The following XRRA1 variants were observed in gnomAD, a reference collection of about 807,000 sequenced individuals.
XRRA1 encodes X-ray radiation resistance-associated protein 1.
A neutral mutation model predicts 80.2 loss-of-function variants in XRRA1; 69 were observed. The ratio of observed to expected loss-of-function variants is 0.86; its 90% confidence interval spans 0.71 to 1.05. The LOEUF (loss-of-function observed/expected upper bound fraction) is 1.05. Among genes scored for constraint, XRRA1 ranks in the 50% least tolerant of loss-of-function variants. XRRA1 has a pLI of 0.00. For missense variants in XRRA1, 967 were observed against 976.4 expected (o/e 0.99, Z 0.13); for synonymous variants, 348 against 389.9 (o/e 0.89, Z 1.27).
intron 4 of XRRA1, among the ~76,000 whole-genome samples, chr11:74,935,718 G>A (rs1234857551): frequency 2.0e-5 from 3 of 152,166 alleles, no homozygotes; most frequent in African/African-American, 7.2e-5. Flanking sequence ...CATTGGTGCT[G>A]TAATTCAACT....
intron 10 of XRRA1, among the ~76,000 whole-genome samples, chr11:74,890,786 T>G (rs777401799): frequency 1.5e-3 from 234 of 152,246 alleles, no homozygotes; most frequent in Non-Finnish European, 2.6e-3. Context: ...TCTATGCAAA[T>G]AAACTAGAAA....
rs1434378939 is a variant in XRRA1 at position 74,875,396 on chromosome 11, C to T, written c.1004-12375G>A. 8.5e-5 allele frequency among the ~76,000 whole-genome samples: 13 copies of T among 152,270 alleles called. No individual in the cohort carries two copies. In the East Asian group the frequency reaches 2.5e-3, roughly 29 times the overall value. ...TCTCAAGGGTATACTTTTCAGCTCT[C>T]AGGATGGCTACAGTAAGAGGACGGC... is the stretch of plus-strand genomic sequence containing the variant. On this transcript the variant is annotated intron_variant, in intron 10 of 18. Transcript: ENST00000684022.
intron 10 of XRRA1, among the ~76,000 whole-genome samples, chr11:74,896,477 T>C (rs2052346276): frequency 6.6e-6 from 1 of 152,202 alleles, no homozygotes; most frequent in African/African-American, 2.4e-5. Flanking sequence ...CTTTGTACTA[T>C]GGTTTGAGTG....
chr11:74,843,954 C>G lies in XRRA1; in HGVS notation c.2049G>C (p.Gln683His), dbSNP rs747007037. The G allele has an allele frequency of 1.5e-5, 25 of 1,613,076 alleles. No homozygotes were observed. In the East Asian group the frequency reaches 1.8e-4, roughly 12 times the overall value. Residue 683 changes from glutamine to histidine, a missense_variant, in exon 18 of 19, where the codon CAG becomes CAC. Coordinates refer to ENST00000684022, the MANE Select transcript of XRRA1 (RefSeq NM_001378157.1). ...KPYVHKEKRA[Q>H]RIPIPPPKKT... ...TCTTTGGGGGTGGAATCGGGATTCT[C>G]TGGGCCTGGCAGAAGGTCATGGAGG...
At chr11:74,919,451 A>G (rs1351644171) in intron 8 of XRRA1, 1 of 193,476 alleles carries the variant, frequency 5.2e-6, no homozygotes, top group Non-Finnish European at 1.1e-5. Context: ...CCAAGAATTA[A>G]TAAATGAATA....
At chr11:74,905,673 A>G (rs781293660) in intron 10 of XRRA1, among the ~76,000 whole-genome samples, 2 of 152,102 alleles carry the variant, frequency 1.3e-5, no homozygotes, top group African/African-American at 4.8e-5. Context: ...TCTAGTTTGC[A>G]GTTTTTCCAA....
At chr11:74,932,749 G>C (rs1424330518) in intron 5 of XRRA1, among the ~76,000 whole-genome samples, 1 of 152,124 alleles carries the variant, frequency 6.6e-6, no homozygotes, top group African/African-American at 2.4e-5. Flanking sequence ...CTAGAATGGA[G>C]GGCCTCTCAG....
At chr11:74,913,144 C>T (rs2056275585) in intron 8 of XRRA1, among the ~76,000 whole-genome samples, 1 of 152,170 alleles carries the variant, frequency 6.6e-6, no homozygotes, top group South Asian at 2.1e-4. Context: ...AGAACACCCA[C>T]ATTTATTTAC....
Position 74,841,047 on chromosome 11 carries a change from ATAAG to A in XRRA1, c.*2149_*2152del, listed in dbSNP as rs1479754625. The A allele has an allele frequency of 6.6e-6, 1 of 152,154 alleles. No homozygotes were observed. The highest frequency in any genetic ancestry group is 1.5e-5 in the Non-Finnish European group (1 of 68,024). 9.4% of individuals were successfully genotyped at this position (152,154 alleles called of 1,614,324 possible). On this transcript the variant is annotated 3_prime_UTR_variant, in exon 19 of 19. Coordinates refer to ENST00000684022, the MANE Select transcript of XRRA1 (RefSeq NM_001378157.1). ...CTCAGGTAGAGAAAGTCTCCATAGT[ATAAG>A]TAAGTAATATGAATGTGGAATCTTG...
In XRRA1 at chr11:74,907,268, GCCTC is replaced by G. The variant is rs757930667; in HGVS notation, c.658_661del (p.Glu220HisfsTer3). ...CTTGCTTGTCAGCGATGTTACAGAT[GCCTC>G]CCTGTGAGTGCAAAGATCTTGGGTA... On this transcript the variant is annotated frameshift_variant and splice_region_variant, in exon 9 of 19. Transcript: ENST00000684022. LOFTEE classifies it high-confidence loss of function. 1 of 1,613,854 alleles carries G rather than the reference GCCTC, an allele frequency of 6.2e-7. No individual in the cohort carries two copies. The highest frequency in any genetic ancestry group is 8.5e-7 in the Non-Finnish European group (1 of 1,179,810).
chr11:74,918,752 A>G (rs1353044864), intron 8 of XRRA1: 1 of 152,240 alleles, frequency 6.6e-6, no homozygotes, highest in East Asian at 1.9e-4. Context: ...GATACTGCCA[A>G]TAGAAGGGAT....
intron 10 of XRRA1, among the ~76,000 whole-genome samples, chr11:74,868,819 A>G (rs981391122): frequency 6.6e-6 from 1 of 152,206 alleles, no homozygotes; most frequent in Admixed American, 6.5e-5. Flanking sequence ...ATATATATGC[A>G]TCCAACAGAG....
Position 74,932,710 on chromosome 11 carries a change from T to C in XRRA1, c.351+1091A>G, listed in dbSNP as rs1240880625. Among the ~76,000 whole-genome samples, 4 of 152,240 alleles carry C rather than the reference T, an allele frequency of 2.6e-5. No homozygotes were observed. In the East Asian group the frequency reaches 7.7e-4, roughly 29 times the overall value. On this transcript the variant is annotated intron_variant, in intron 5 of 18. Coordinates refer to ENST00000684022, the MANE Select transcript of XRRA1 (RefSeq NM_001378157.1). The stretch of plus-strand genomic sequence containing the variant: ...GTCTCACCGTTATATGTGAACTATA[T>C]ATTATAATCTCTGGGACCATGTGCT...
intron 10 of XRRA1, among the ~76,000 whole-genome samples, chr11:74,870,419 A>G (rs1052894019): frequency 1.6e-4 from 25 of 152,064 alleles, no homozygotes; most frequent in African/African-American, 5.8e-4. Context: ...TTCCTATTGC[A>G]TTTTTCCTTC....
chr11:74,916,855 G>C (rs1214095504), intron 8 of XRRA1, among the ~76,000 whole-genome samples: 1 of 152,128 alleles, frequency 6.6e-6, no homozygotes, highest in Non-Finnish European at 1.5e-5. Context: ...TCTGTGTCAA[G>C]GATCAGGCTG....
chr11:74,927,432 T>C lies in XRRA1; in HGVS notation c.481A>G (p.Lys161Glu). ...TCTCCATATTTCACGTAGATAGTTT[T>C]GATGCCATTAAATGCGAGATCCAGT... is the stretch of plus-strand genomic sequence containing the variant. Reference protein sequence around the residue: ...KELDLAFNGIKTIYVKYGDFK... With the variant: ...KELDLAFNGIETIYVKYGDFK... Residue 161 changes from lysine to glutamate, a missense_variant, in exon 7 of 19, where the codon AAA becomes GAA. Lys to Glu is a moderately conservative substitution (Grantham distance 56). Transcript: ENST00000684022. The C allele has an allele frequency of 1.2e-6, 2 of 1,613,724 alleles. No homozygotes were observed. Among genetic ancestry groups the C allele is most frequent in the Non-Finnish European group, 1.7e-6 (2 of 1,179,640 alleles).
chr11:74,931,865 G>C (rs2139476980), intron 5 of XRRA1: 1 of 152,312 alleles, frequency 6.6e-6, no homozygotes, highest in Non-Finnish European at 1.5e-5. Context: ...ACAATTTACA[G>C]TCCTACCTGC....
Position 74,842,994 on chromosome 11 carries a change from C to T in XRRA1, c.*206G>A, listed in dbSNP as rs1195155034. On this transcript the variant is annotated 3_prime_UTR_variant, in exon 19 of 19. Coordinates refer to ENST00000684022, the MANE Select transcript of XRRA1 (RefSeq NM_001378157.1). ...TGCCCTGTGCACCCACTCTTTATTG[C>T]CGCTGGGCCAGGCACCAGGTCATGC... The T allele has an allele frequency of 6.2e-6, 4 of 643,194 alleles. No homozygotes were observed. Among genetic ancestry groups the T allele is most frequent in the Non-Finnish European group, 1.0e-5 (4 of 383,540 alleles). The allele number at this position is 643,194 out of a possible 1,614,324, so 39.8% of individuals were successfully genotyped here.
chr11:74,871,943 C>T (rs536524305), intron 10 of XRRA1, among the ~76,000 whole-genome samples: 63 of 152,288 alleles, frequency 4.1e-4, no homozygotes, highest in African/African-American at 1.5e-3. Flanking sequence ...GCTCTGCATG[C>T]ATCAGAGAAA....
Sources: gnomAD v4.1 joint callset for allele counts (sites outside exome capture counted in the v4.1 genomes callset) on GRCh38, gnomAD v4.1.1 for gene constraint, MANE v1.5 for transcripts, NCBI Gene and HGNC (gene_info 2026-07-23, HGNC 2026-07-21) for gene names.